RAB33A: variants seen among roughly 807,000 people sequenced by gnomAD.
RAB33A encodes ras-related protein Rab-33A.
A neutral mutation model predicts 12.0 loss-of-function variants in RAB33A; 6 were observed. The observed-to-expected ratio is 0.50, with a 90% CI of 0.27 to 0.99. The LOEUF is 0.99. Ranked by LOEUF, RAB33A falls within the 50% of genes least tolerant of loss-of-function variation. RAB33A has a pLI of 0.11. For missense variants in RAB33A, 109 were observed against 192.0 expected (o/e 0.57, Z 2.55); for synonymous variants, 70 against 82.4 (o/e 0.85, Z 0.81).
chrX:130,165,691 T>C, the RAB33A span: 1 of 1,117,698 alleles, frequency 8.9e-7, no homozygotes, highest in African/African-American at 1.8e-5. Context: ...CCTCCTTCCC[T>C]TTCCTCTCAC....
chrX:130,130,660 C>T, the RAB33A span, among the ~76,000 whole-genome samples: 16 of 112,693 alleles, frequency 1.4e-4, no homozygotes, highest in Admixed American at 7.5e-4. Flanking sequence ...TGGTGGCTAA[C>T]GTACTGGACA....
At chrX:130,158,523 A>G in the RAB33A span, among the ~76,000 whole-genome samples, 3 of 110,300 alleles carry the variant, frequency 2.7e-5, no homozygotes, top group Non-Finnish European at 5.7e-5. Context: ...TGCATTTCTA[A>G]CAAGTTCCCA....
chrX:130,139,313 T>C, the RAB33A span, among the ~76,000 whole-genome samples: 4 of 106,981 alleles, frequency 3.7e-5, no homozygotes, highest in African/African-American at 1.4e-4. Flanking sequence ...GCCTGGGTGA[T>C]AGAGCGAGAT....
chrX:130,131,153 A>C, the RAB33A span, among the ~76,000 whole-genome samples: 1 of 111,307 alleles, frequency 9.0e-6, no homozygotes, highest in Non-Finnish European at 1.9e-5. Flanking sequence ...CCTCCCATCT[A>C]AAGAAAACCT....
the RAB33A span, among the ~76,000 whole-genome samples, chrX:130,148,787 C>T: frequency 2.3e-4 from 18 of 78,102 alleles, no homozygotes; most frequent in South Asian, 9.6e-4. Context: ...GAGATGAGAT[C>T]GGGCCACTGC....
At chrX:130,171,295 C>T (rs903143185), upstream of RAB33A, among the ~76,000 whole-genome samples, 2 of 112,253 alleles carry the variant, frequency 1.8e-5, no homozygotes, top group African/African-American at 6.5e-5. Flanking sequence ...CCCTTTATCC[C>T]AAGGCGCGGG....
chrX:130,183,681 T>C (rs1385597474), intron 1 of RAB33A, among the ~76,000 whole-genome samples: 2 of 112,161 alleles, frequency 1.8e-5, no homozygotes, highest in Non-Finnish European at 3.8e-5. Flanking sequence ...TTTTTGAGGT[T>C]CTTGATAATA....
At chrX:130,129,723 A>G in the RAB33A span, 1 of 873,934 alleles carries the variant, frequency 1.1e-6, no homozygotes, top group Non-Finnish European at 1.7e-6. Flanking sequence ...TCCCCATATC[A>G]CACTGGGAGG....
At chrX:130,147,657 C>G in the RAB33A span, 4 of 1,210,176 alleles carry the variant, frequency 3.3e-6, no homozygotes, top group African/African-American at 7.0e-5. Context: ...CTTATCAGAG[C>G]CAAGTCATTT....
the RAB33A span, among the ~76,000 whole-genome samples, chrX:130,121,083 C>G: frequency 1.8e-5 from 2 of 112,384 alleles, no homozygotes; most frequent in African/African-American, 6.4e-5. Flanking sequence ...CGAGCTTCCA[C>G]TCCTGCTGCT....
At chrX:130,153,352 C>CAAAAAA in the RAB33A span, among the ~76,000 whole-genome samples, 1 of 42,860 alleles carries the variant, frequency 2.3e-5, no homozygotes, top group Non-Finnish European at 4.0e-5. Context: ...GACTCCGTTT[C>CAAAAAA]AAAAAAAAAA....
At chrX:130,173,572 C>T (rs1466515558) in intron 1 of RAB33A, among the ~76,000 whole-genome samples, 1 of 111,996 alleles carries the variant, frequency 8.9e-6, no homozygotes, top group African/African-American at 3.2e-5. Context: ...GAAACTAGGC[C>T]AACTCACTAG....
the RAB33A span, chrX:130,137,318 C>A: frequency 8.5e-7 from 1 of 1,180,483 alleles, no homozygotes; most frequent in Non-Finnish European, 1.1e-6. Flanking sequence ...CGAGCGCCCA[C>A]TTACAGGACA....
chrX:130,182,177 TATATACACATATATATAAC>T (rs2031736138), intron 1 of RAB33A, among the ~76,000 whole-genome samples: 1 of 49,185 alleles, frequency 2.0e-5, no homozygotes, highest in African/African-American at 8.2e-5. Flanking sequence ...TATATATATA[TATATACACATATATATAAC>T]ATATATACAC....
the RAB33A span, among the ~76,000 whole-genome samples, chrX:130,114,033 A>G: frequency 3.6e-5 from 4 of 112,167 alleles, no homozygotes; most frequent in Non-Finnish European, 5.6e-5. Flanking sequence ...CCCAGCTCTC[A>G]GGAGAAAGTA....
chrX:130,155,864 G>A, the RAB33A span, among the ~76,000 whole-genome samples: 1 of 111,744 alleles, frequency 8.9e-6, no homozygotes, highest in East Asian at 2.8e-4. Context: ...GTTCATTTAA[G>A]GAGATATAAT....
At chrX:130,139,029 A>G in the RAB33A span, among the ~76,000 whole-genome samples, 1 of 111,151 alleles carries the variant, frequency 9.0e-6, no homozygotes, top group African/African-American at 3.3e-5. Context: ...AACATACTAC[A>G]ATGGCATAAG....
chrX:130,130,745 A>G, the RAB33A span, among the ~76,000 whole-genome samples: 2 of 112,182 alleles, frequency 1.8e-5, no homozygotes, highest in Non-Finnish European at 3.8e-5. Context: ...CTTTAGACAA[A>G]GCAGAAGGCA....
the RAB33A span, among the ~76,000 whole-genome samples, chrX:130,158,925 T>C: frequency 9.0e-6 from 1 of 110,506 alleles, no homozygotes; most frequent in East Asian, 2.8e-4. Context: ...CCCCCTTGCT[T>C]TCATAACGTT....
Sources: gnomAD v4.1 joint callset for allele counts (sites outside exome capture counted in the v4.1 genomes callset) on GRCh38, gnomAD v4.1.1 for gene constraint, MANE v1.5 for transcripts, NCBI Gene and HGNC (gene_info 2026-07-23, HGNC 2026-07-21) for gene names.